The following NCOA7 variants were observed in gnomAD, a reference collection of about 807,000 sequenced individuals.
The protein encoded by NCOA7 is nuclear receptor coactivator 7.
Under a neutral mutation model 104.3 loss-of-function variants are expected in NCOA7, and 45 were observed. That is an observed-to-expected ratio of 0.43 (90% CI 0.34 to 0.55). The LOEUF is 0.55. NCOA7 is among the 20% of genes least tolerant of loss of function. The pLI, the probability that NCOA7 is intolerant of heterozygous loss-of-function variation, is 0.02. For synonymous variants in NCOA7, 398 were observed against 402.3 expected (o/e 0.99, Z 0.13); for missense variants, 1,041 against 1,119.7 (o/e 0.93, Z 1.00).
chr6:125,856,835 G>T (rs1033362155), intron 3 of NCOA7, among the ~76,000 whole-genome samples: 5 of 152,280 alleles, frequency 3.3e-5, no homozygotes, highest in African/African-American at 1.2e-4. Flanking sequence ...TTGTTCTGGG[G>T]TGTCCTAAAC....
intron 2 of NCOA7, among the ~76,000 whole-genome samples, chr6:125,838,403 A>T (rs1779815492): frequency 6.6e-6 from 1 of 152,114 alleles, no homozygotes; most frequent in Admixed American, 6.6e-5. Context: ...CTTCTTTCAG[A>T]TCTTTAAAGG....
At chr6:125,902,073 G>A (rs763820180) in intron 10 of NCOA7, among the ~76,000 whole-genome samples, 7 of 152,266 alleles carry the variant, frequency 4.6e-5, no homozygotes, top group African/African-American at 1.7e-4. Context: ...TTTTATGGGT[G>A]CAGGGTAGGG....
chr6:125,926,510 G>C (rs753251630), intron 13 of NCOA7, among the ~76,000 whole-genome samples: 1 of 151,918 alleles, frequency 6.6e-6, no homozygotes, highest in Non-Finnish European at 1.5e-5. Flanking sequence ...TTGTATTCTG[G>C]TTCTTTTTTT....
chr6:125,841,193 CT>C (rs1385169632), intron 2 of NCOA7, among the ~76,000 whole-genome samples: 2 of 151,670 alleles, frequency 1.3e-5, no homozygotes, highest in Non-Finnish European at 2.9e-5. Context: ...CCTGGCCTAC[CT>C]TTTATGTTTT....
intron 2 of NCOA7, among the ~76,000 whole-genome samples, chr6:125,830,712 C>A (rs570404040): frequency 2.0e-3 from 291 of 147,062 alleles, no homozygotes; most frequent in Admixed American, 4.5e-3. Flanking sequence ...GTGTCTCTCT[C>A]TATATATTTT....
chr6:125,876,492 A>C (rs1052148524), intron 4 of NCOA7, among the ~76,000 whole-genome samples: 1 of 152,146 alleles, frequency 6.6e-6, no homozygotes, highest in Non-Finnish European at 1.5e-5. Flanking sequence ...CATAATCATT[A>C]AGATCTGTAT....
At chr6:125,796,259 G>C (rs1196494740) in intron 1 of NCOA7, among the ~76,000 whole-genome samples, 1 of 151,720 alleles carries the variant, frequency 6.6e-6, no homozygotes, top group Non-Finnish European at 1.5e-5. Flanking sequence ...CATGATTTTG[G>C]ATAGCATGTA....
intron 11 of NCOA7, among the ~76,000 whole-genome samples, chr6:125,919,961 G>T (rs1366976650): frequency 6.6e-6 from 1 of 152,120 alleles, no homozygotes; most frequent in Non-Finnish European, 1.5e-5. Context: ...TGAATTAGTT[G>T]TCTAATATAA....
chr6:125,807,087 C>A (rs918756485), intron 1 of NCOA7, among the ~76,000 whole-genome samples: 3 of 152,110 alleles, frequency 2.0e-5, no homozygotes, highest in Non-Finnish European at 4.4e-5. Flanking sequence ...TCAGACAGTT[C>A]TTCCTTATAC....
In NCOA7 at chr6:125,881,148, G is replaced by T. The variant is rs760596124; in HGVS notation, c.518G>T (p.Ser173Ile). The change falls in exon 6 of 16, where the codon AGT becomes ATT. Residue 173 changes from serine (S) to isoleucine (I), a missense_variant. Transcript: ENST00000392477. ...AGTACCTTAAGGCTATCATCATCCAGTCCTGGTGCTACTGTCTCTCCTTCA... is the reference window on the plus strand; with the variant it reads ...AGTACCTTAAGGCTATCATCATCCATTCCTGGTGCTACTGTCTCTCCTTCA... ...PSSTLRLSSSSPGATVSPSSS... is the reference protein window; with the variant it reads ...PSSTLRLSSSIPGATVSPSSS... 6.2e-7 allele frequency: 1 copy of T among 1,613,956 alleles called. No individual in the cohort carries two copies. Among genetic ancestry groups the T allele is most frequent in the East Asian group, 2.2e-5 (1 of 44,870 alleles).
chr6:125,853,564 G>A (rs1419750734), intron 2 of NCOA7, among the ~76,000 whole-genome samples: 5 of 152,094 alleles, frequency 3.3e-5, no homozygotes, highest in Non-Finnish European at 7.4e-5. Context: ...GAATATCTAA[G>A]AACCTGGCTG....
chr6:125,827,973 A>G lies in NCOA7; in HGVS notation c.50+12569A>G, dbSNP rs554691116. Reference sequence around the variant, plus strand: ...ACAGTTTTGAGAGAGTATCTCAAGAATTTAATACGTTAAGTTTGAGATGCT... The same window carrying G: ...ACAGTTTTGAGAGAGTATCTCAAGAGTTTAATACGTTAAGTTTGAGATGCT... On this transcript the variant is annotated intron_variant, in intron 2 of 15. Transcript: ENST00000392477. Among the ~76,000 whole-genome samples the G allele has an allele frequency of 2.6e-5, 4 of 152,368 alleles. No homozygotes were observed. The South Asian group carries it at 8.3e-4, about 32-fold the overall frequency.
At chr6:125,815,172 T>C (rs1260780760) in intron 1 of NCOA7, 119 bp from the exon 2 acceptor site, 6 of 417,952 alleles carry the variant, frequency 1.4e-5, no homozygotes, top group Non-Finnish European at 2.6e-5. Context: ...TGTGACTGTT[T>C]CCTGGTTAAA....
chr6:125,853,799 C>T (rs1781325495), intron 2 of NCOA7, among the ~76,000 whole-genome samples: 1 of 152,106 alleles, frequency 6.6e-6, no homozygotes, highest in South Asian at 2.1e-4. Flanking sequence ...TAAGGAAGTA[C>T]AGTTATCACC....
Position 125,921,625 on chromosome 6 carries a change from C to T in NCOA7, c.2370+557C>T, listed in dbSNP as rs139652862. On this transcript the variant is annotated intron_variant, in intron 12 of 15. Coordinates refer to ENST00000392477, the MANE Select transcript of NCOA7 (RefSeq NM_181782.5). The stretch of plus-strand genomic sequence containing the variant: ...CTCAAACCTGAAGAAAAAGCCATTT[C>T]TAATCTTAAAAAAATAAAAATTTTA... Among the ~76,000 whole-genome samples the T allele has an allele frequency of 7.4e-3, 1,126 of 152,152 alleles. 14 individuals are homozygous for T. The highest frequency in any genetic ancestry group is 0.025 in the African/African-American group (1,032 of 41,508).
At chr6:125,919,139 G>A (rs1787340359) in intron 11 of NCOA7, 1 of 1,114,714 alleles carries the variant, frequency 9.0e-7, no homozygotes, top group African/African-American at 1.6e-5. Flanking sequence ...AGCGATGCCT[G>A]GCAGGAAGTG....
chr6:125,920,891 G>C (rs1425011607), intron 11 of NCOA7, 52 bp from the exon 12 acceptor site: 3 of 1,593,726 alleles, frequency 1.9e-6, no homozygotes, highest in Non-Finnish European at 2.6e-6. Flanking sequence ...TAAATTAGCA[G>C]TTAGAAGAAA....
chr6:125,889,256 T>A lies in NCOA7; in HGVS notation c.1202T>A (p.Phe401Tyr). The A allele has an allele frequency of 6.2e-7, 1 of 1,614,038 alleles. No individual in the cohort carries two copies. The highest frequency in any genetic ancestry group is 8.5e-7 in the Non-Finnish European group (1 of 1,179,986). The change falls in exon 9 of 16, where the codon TTT (phenylalanine) becomes TAT (tyrosine). Residue 401 changes from phenylalanine to tyrosine, a missense_variant. Phe to Tyr is a conservative substitution (Grantham distance 22, BLOSUM62 3). This residue lies in a region of NCOA7 where 914 missense variants were observed against 942.7 expected (regional missense o/e 0.97). Transcript: ENST00000392477. ...GAACCTTCCGACACTTCTTCTGCAT[T>A]TGAATCTACAGCCAAAGAAAACTTT... ...SKEPSDTSSA[F>Y]ESTAKENFLG...
chr6:125,794,251 AG>A (rs1775104546), intron 1 of NCOA7, among the ~76,000 whole-genome samples: 1 of 152,198 alleles, frequency 6.6e-6, no homozygotes, highest in Non-Finnish European at 1.5e-5. Context: ...GCCAAAGAAA[AG>A]CTTTACTTAC....
Sources: allele counts gnomAD v4.1 joint callset (sites outside exome capture counted in the v4.1 genomes callset), GRCh38; gene constraint gnomAD v4.1.1; regional missense constraint gnomAD v4.1.1; transcripts MANE v1.5; gene names NCBI Gene and HGNC (gene_info 2026-07-23, HGNC 2026-07-21).